TCEANC: variants seen among roughly 807,000 people sequenced by gnomAD.
The protein encoded by TCEANC is transcription elongation factor A N-terminal and central domain containing, also known as transcription elongation factor A N-terminal and central domain-containing protein.
Under a neutral mutation model 8.7 loss-of-function variants are expected in TCEANC, and 8 were observed. The ratio of observed to expected loss-of-function variants is 0.92; its 90% confidence interval spans 0.54 to 1.65. TCEANC has a LOEUF of 1.65. TCEANC is among the 40% of genes most tolerant of loss of function. The probability of loss-of-function intolerance (pLI) is 0.00; values close to 1 mark genes in which losing one functional copy is unlikely to be tolerated. For synonymous variants in TCEANC, 78 were observed against 92.9 expected, an observed-to-expected ratio of 0.84 and a Z score of 0.92; for missense variants, 255 against 251.9, an observed-to-expected ratio of 1.01 and a Z score of -0.08.
chrX:13,663,615 G>A, exon 2 of TCEANC: 2 of 1,010,891 alleles, frequency 2.0e-6, no homozygotes, highest in Non-Finnish European at 2.6e-6. Flanking sequence ...CCTTTTATTT[G>A]TACAACCCTT....
intron 1 of TCEANC, among the ~76,000 whole-genome samples, chrX:13,656,877 C>T (rs2045927663): frequency 8.9e-6 from 1 of 112,667 alleles, no homozygotes; most frequent in African/African-American, 3.2e-5. Context: ...TGATTCCACT[C>T]ACATGAAGTA....
At chrX:13,664,867 G>A (rs1488434932) in exon 2 of TCEANC, 1 of 122,971 alleles carries the variant, frequency 8.1e-6, no homozygotes, top group Non-Finnish European at 1.9e-5. Context: ...CTCATGGAAT[G>A]TTCACCGTTT....
At chrX:13,657,043 T>C (rs1030449605) in intron 1 of TCEANC, among the ~76,000 whole-genome samples, 2 of 112,118 alleles carry the variant, frequency 1.8e-5, no homozygotes, top group African/African-American at 6.5e-5. Flanking sequence ...GCAGGGACTG[T>C]GTCTTTTCAA....
chrX:13,654,064 G>GT (rs1200768881), upstream of TCEANC, among the ~76,000 whole-genome samples: 2 of 112,465 alleles, frequency 1.8e-5, no homozygotes, highest in Admixed American at 9.4e-5. Flanking sequence ...GAGATGTGCT[G>GT]TAAGTGTAAG....
chrX:13,665,176 G>A (rs1321198781), exon 2 of TCEANC: 1 of 123,859 alleles, frequency 8.1e-6, no homozygotes, highest in African/African-American at 3.2e-5. Context: ...TCCTTAACTT[G>A]CAAGGTCATC....
intron 1 of TCEANC, among the ~76,000 whole-genome samples, chrX:13,657,465 T>TATATAATCCAGCAGATTCAAGATAAAA (rs1316369135): frequency 1.8e-5 from 2 of 112,381 alleles, no homozygotes; most frequent in African/African-American, 6.5e-5. Context: ...ATTAAACAGT[T>TATATAATCCAGCAGATTCAAGATAAAA]ATATAATCCA....
rs745398569 is a variant in TCEANC at position 13,657,669 on chromosome X, G to A, written c.-9+2296G>A. On this transcript the variant is annotated intron_variant, in intron 1 of 1. Coordinates refer to ENST00000380600, the Ensembl canonical transcript of TCEANC. ...CTAAAAATACAAAAAGTAGCCGGGC[G>A]TGGTGGCACATGCCTGTAATCCTAG... Among the ~76,000 whole-genome samples, 350 of 110,696 alleles carry A rather than the reference G, an allele frequency of 3.2e-3. 7 individuals carry two copies. Among genetic ancestry groups the A allele is most frequent in the Admixed American group, 0.028 (295 of 10,400 alleles).
rs7883462 is a variant in TCEANC at position 13,660,227 on chromosome X, G to A, written c.-8-2274G>A. On this transcript the variant is annotated intron_variant, in intron 1 of 1. Coordinates refer to ENST00000380600, the Ensembl canonical transcript of TCEANC. ...GTATCTCTTTTCAGTCTTTTCACATGTAATTCTTAAATAAAATTTGGATCA... is the reference window on the plus strand; with the variant it reads ...GTATCTCTTTTCAGTCTTTTCACATATAATTCTTAAATAAAATTTGGATCA... Among the ~76,000 whole-genome samples the A allele has an allele frequency of 8.0e-3, 901 of 112,034 alleles. 6 individuals are homozygous for A. The highest frequency in any genetic ancestry group is 0.027 in the African/African-American group (828 of 30,828).
exon 2 of TCEANC, chrX:13,663,250 A>G: frequency 8.3e-7 from 1 of 1,203,291 alleles, no homozygotes; most frequent in Non-Finnish European, 1.1e-6. Flanking sequence ...CTCTGGGACC[A>G]CGTCTCCACG....
chrX:13,655,986 G>C (rs956354312), intron 1 of TCEANC, among the ~76,000 whole-genome samples: 6 of 112,646 alleles, frequency 5.3e-5, no homozygotes, highest in Admixed American at 1.9e-4. Context: ...GCTTTCAGCA[G>C]GAAAATGAGG....
chrX:13,662,578 G>C lies in TCEANC; in HGVS notation c.70G>C (p.Glu24Gln), dbSNP rs756601479. The change falls in exon 2 of 2, where the codon GAG becomes CAG. Residue 24 changes from glutamate (E) to glutamine (Q), a missense_variant. Transcript: ENST00000380600. ...GCAACTGATGTCCAAAAGGAATTTT[G>C]AGGATCTTGGCAACCACCTTACTGA... 1.8e-5 allele frequency: 22 copies of C among 1,210,105 alleles called. No individual in the cohort carries two copies. Among genetic ancestry groups the C allele is most frequent in the South Asian group, 3.5e-5 (2 of 56,832 alleles).
exon 2 of TCEANC, chrX:13,663,426 A>T: frequency 9.3e-6 from 11 of 1,182,898 alleles, no homozygotes; most frequent in Non-Finnish European, 1.2e-5. Context: ...ACAATTGCAA[A>T]GTCACTGTAA....
chrX:13,658,860 A>AGTTTT (rs2045944407), intron 1 of TCEANC, among the ~76,000 whole-genome samples: 2 of 112,257 alleles, frequency 1.8e-5, no homozygotes, highest in African/African-American at 6.5e-5. Flanking sequence ...TGGGGCAGTC[A>AGTTTT]GTTTTGTTTT....
chrX:13,663,419 A>G, exon 2 of TCEANC: 1 of 1,184,900 alleles, frequency 8.4e-7, no homozygotes. Flanking sequence ...GAGAAATACA[A>G]TTGCAAAGTC....
intron 1 of TCEANC, among the ~76,000 whole-genome samples, chrX:13,662,184 T>C (rs1438850786): frequency 8.9e-6 from 1 of 111,819 alleles, no homozygotes. Context: ...TTGACTAATC[T>C]AGAAAGATCA....
upstream of TCEANC, among the ~76,000 whole-genome samples, chrX:13,653,936 G>T (rs2045903718): frequency 9.0e-6 from 1 of 111,488 alleles, no homozygotes; most frequent in Admixed American, 9.5e-5. Context: ...TTTGGTATAG[G>T]TATGCACCTA....
exon 2 of TCEANC, chrX:13,663,118 G>C: frequency 1.7e-6 from 2 of 1,211,041 alleles, no homozygotes; most frequent in Non-Finnish European, 2.2e-6. Context: ...CTTTGCAAGA[G>C]AAATTGAAGA....
In TCEANC at chrX:13,659,647, GAC is replaced by G. The variant is rs2045950822; in HGVS notation, c.-8-2852_-8-2851del. On this transcript the variant is annotated intron_variant, in intron 1 of 1. Coordinates refer to ENST00000380600, the Ensembl canonical transcript of TCEANC. ...TAAGCCCTTTTTTTTTTTTTTTTTTGACAGAGTCTCGCTCTGTCGCCAGGTTG... is the reference window on the plus strand; with the variant it reads ...TAAGCCCTTTTTTTTTTTTTTTTTTGAGAGTCTCGCTCTGTCGCCAGGTTG... The G allele has an allele frequency of 3.0e-5, 1 of 32,988 alleles. No individual in the cohort carries two copies. Among genetic ancestry groups the G allele is most frequent in the East Asian group, 8.8e-4 (1 of 1,132 alleles). The allele number at this position is 32,988 out of a possible 1,213,427, so 2.7% of individuals were successfully genotyped here.
At chrX:13,659,228 C>A (rs932016377) in intron 1 of TCEANC, among the ~76,000 whole-genome samples, 16 of 112,223 alleles carry the variant, frequency 1.4e-4, no homozygotes, top group African/African-American at 4.9e-4. Flanking sequence ...AAGAAACATT[C>A]AATGTGCCTG....
Sources: allele counts gnomAD v4.1 joint callset (sites outside exome capture counted in the v4.1 genomes callset), GRCh38; gene constraint gnomAD v4.1.1; transcripts MANE v1.5; gene names NCBI Gene and HGNC (gene_info 2026-07-23, HGNC 2026-07-21).